Variants in ST3GAL2 observed in about 807,000 individuals in gnomAD.
ST3GAL2 encodes the protein ST3 beta-galactoside alpha-2,3-sialyltransferase 2, also known as CMP-N-acetylneuraminate-beta-galactosamide-alpha-2,3-sialyltransferase 2.
A neutral mutation model predicts 37.5 loss-of-function variants in ST3GAL2; 16 were observed. That is an observed-to-expected ratio of 0.43 (90% CI 0.29 to 0.65). The LOEUF (loss-of-function observed/expected upper bound fraction) is 0.65, where lower values mean the gene tolerates loss of function less well. ST3GAL2 is among the 30% of genes least tolerant of loss of function. The pLI, the probability that ST3GAL2 is intolerant of heterozygous loss-of-function variation, is 0.17. For missense variants in ST3GAL2, 383 were observed against 487.8 expected, an observed-to-expected ratio of 0.79 and a Z score of 2.02; for synonymous variants, 238 against 202.9, an observed-to-expected ratio of 1.17 and a Z score of -1.47.
At position 70,379,009 on chromosome 16, in the gene ST3GAL2, A is replaced by T. The variant is rs895679549; in HGVS notation, c.*2680T>A. On this transcript the variant is annotated 3_prime_UTR_variant, in exon 7 of 7. Transcript: ENST00000342907. ...CAAGACTCTGTCTCAATAAATAAAT[A>T]AATTAAATAAATAAAAATGCGGGTT... 6.6e-6 allele frequency: 1 copy of T among 152,168 alleles called. No homozygotes were observed. The highest frequency in any genetic ancestry group is 2.1e-4 in the South Asian group (1 of 4,830). The allele number at this position is 152,168 out of a possible 1,614,324, so 9.4% of individuals were successfully genotyped here. A position where few individuals can be genotyped will look rare whatever the true frequency, so the allele number is the denominator to read the frequency against.
intron 3 of ST3GAL2, among the ~76,000 whole-genome samples, chr16:70,391,741 G>A (rs1183381822): frequency 3.3e-5 from 5 of 152,204 alleles, no homozygotes; most frequent in African/African-American, 7.2e-5. Context: ...GGGCCTGGGC[G>A]GGGCAGGAGC....
chr16:70,404,601 T>C (rs1428314163), intron 1 of ST3GAL2, among the ~76,000 whole-genome samples: 1 of 152,176 alleles, frequency 6.6e-6, no homozygotes. Context: ...CTATTGGGAA[T>C]GTGAAATGGT....
intron 1 of ST3GAL2, among the ~76,000 whole-genome samples, chr16:70,436,531 T>C (rs1174430098): frequency 6.7e-6 from 1 of 150,338 alleles, no homozygotes; most frequent in Non-Finnish European, 1.5e-5. Context: ...CCCAAACCAG[T>C]GGTTCTCAAA....
At chr16:70,438,688 G>T (rs2047844639) in intron 1 of ST3GAL2, among the ~76,000 whole-genome samples, 1 of 152,150 alleles carries the variant, frequency 6.6e-6, no homozygotes, top group Non-Finnish European at 1.5e-5. Flanking sequence ...GGGGCTGCCG[G>T]CAAAGGAGCG....
At chr16:70,393,913 A>G (rs563578675) in intron 3 of ST3GAL2, among the ~76,000 whole-genome samples, 4 of 152,268 alleles carry the variant, frequency 2.6e-5, no homozygotes, top group African/African-American at 7.2e-5. Flanking sequence ...CTTAACTGCA[A>G]TGCTCATCCT....
chr16:70,409,217 C>T lies in ST3GAL2; in HGVS notation c.-1003-9684G>A, dbSNP rs148157672. 1.5e-3 allele frequency among the ~76,000 whole-genome samples: 226 copies of T among 152,266 alleles called. 2 individuals are homozygous for T. Among genetic ancestry groups the T allele is most frequent in the African/African-American group, 5.1e-3 (213 of 41,558 alleles). On this transcript the variant is annotated intron_variant, in intron 1 of 6. Coordinates refer to ENST00000342907, the MANE Select transcript of ST3GAL2 (RefSeq NM_006927.4). ...CTTTGGGAGACTGAGGCTGGATGAT[C>T]GCTTCAGTCCAGGGGTTGGAGCCTG... is the stretch of plus-strand genomic sequence containing the variant.
Position 70,399,543 on chromosome 16 carries a change from C to T in ST3GAL2, c.-1003-10G>A. 1 of 397,816 alleles carries T rather than the reference C, an allele frequency of 2.5e-6. No individual in the cohort carries two copies. Among genetic ancestry groups the T allele is most frequent in the Non-Finnish European group, 4.4e-6 (1 of 226,090 alleles). 24.6% of individuals were successfully genotyped at this position (397,816 alleles called of 1,614,324 possible). A position where few individuals can be genotyped will look rare whatever the true frequency, so the allele number is the denominator to read the frequency against. ...CTGCCGCAGCACGACCCTAGAATGGCAGAGAGGAGAAATAATGTGCGGATG... is the reference window on the plus strand; with the variant it reads ...CTGCCGCAGCACGACCCTAGAATGGTAGAGAGGAGAAATAATGTGCGGATG... On this transcript the variant is annotated splice_polypyrimidine_tract_variant and intron_variant, in intron 1 of 6. Transcript: ENST00000342907.
At chr16:70,422,782 C>G (rs549852756) in intron 1 of ST3GAL2, among the ~76,000 whole-genome samples, 1 of 152,304 alleles carries the variant, frequency 6.6e-6, no homozygotes, top group African/African-American at 2.4e-5. Context: ...GAACTGAGGT[C>G]TCCTCTTAAG....
Position 70,378,434 on chromosome 16 carries a change from G to GT in ST3GAL2, c.*3254dup. On this transcript the variant is annotated 3_prime_UTR_variant, in exon 7 of 7. Coordinates refer to ENST00000342907, the MANE Select transcript of ST3GAL2 (RefSeq NM_006927.4). ...AAAAAAAAAAAAAAAGCCAGGCGCG[G>GT]TGGCTCACGCCTGTAATCCCAGCAC... The GT allele has an allele frequency of 6.7e-6, 1 of 149,270 alleles. No individual in the cohort carries two copies. The highest frequency in any genetic ancestry group is 2.0e-4 in the East Asian group (1 of 5,042). The allele number at this position is 149,270 out of a possible 1,614,324, so 9.2% of individuals were successfully genotyped here. A position where few individuals can be genotyped will look rare whatever the true frequency, so the allele number is the denominator to read the frequency against.
At chr16:70,386,249 G>T (rs1191290169) in intron 4 of ST3GAL2, among the ~76,000 whole-genome samples, 2 of 150,170 alleles carry the variant, frequency 1.3e-5, no homozygotes, top group Non-Finnish European at 3.0e-5. Context: ...GTGCAGTGGC[G>T]CGATCTCGGC....
chr16:70,403,282 G>T lies in ST3GAL2; in HGVS notation c.-1003-3749C>A, dbSNP rs139104648. 4.2e-3 allele frequency among the ~76,000 whole-genome samples: 634 copies of T among 152,308 alleles called. 4 individuals are homozygous for T. Among genetic ancestry groups the T allele is most frequent in the African/African-American group, 0.014 (602 of 41,556 alleles). ...AGACAGGAATCAGGGAGATATGGAGGCTGTGGCCTGAGCAACCTTGTGGAT... is the reference window on the plus strand; with the variant it reads ...AGACAGGAATCAGGGAGATATGGAGTCTGTGGCCTGAGCAACCTTGTGGAT... On this transcript the variant is annotated intron_variant, in intron 1 of 6. Coordinates refer to ENST00000342907, the MANE Select transcript of ST3GAL2 (RefSeq NM_006927.4).
intron 1 of ST3GAL2, among the ~76,000 whole-genome samples, chr16:70,428,022 CG>C (rs1159515226): frequency 6.6e-6 from 1 of 152,192 alleles, no homozygotes; most frequent in Non-Finnish European, 1.5e-5. Flanking sequence ...GGGGTAAAGG[CG>C]GAACTCCCCA....
In ST3GAL2 at chr16:70,426,181, CTTTTTT is replaced by C. The variant is rs56342720; in HGVS notation, c.-1004+12762_-1004+12767del. ...TGCAATGCATTATGGGGGCCAAAGCCTTTTTTTTTTTTTTTTTTTTTTTTGTTTTTG... is the reference window on the plus strand; with the variant it reads ...TGCAATGCATTATGGGGGCCAAAGCCTTTTTTTTTTTTTTTTTTGTTTTTG... On this transcript the variant is annotated intron_variant, in intron 1 of 6. Coordinates refer to ENST00000342907, the MANE Select transcript of ST3GAL2 (RefSeq NM_006927.4). Among the ~76,000 whole-genome samples the C allele has an allele frequency of 3.3e-4, 33 of 99,508 alleles. 1 individual carries two copies. The highest frequency in any genetic ancestry group is 0.01 in the Middle Eastern group (1 of 100). 65.3% of individuals were successfully genotyped at this position (99,508 alleles called of 152,430 possible). A position where few individuals can be genotyped will look rare whatever the true frequency, so the allele number is the denominator to read the frequency against.
intron 1 of ST3GAL2, among the ~76,000 whole-genome samples, chr16:70,415,210 T>C (rs185279818): frequency 7.2e-5 from 11 of 152,172 alleles, no homozygotes; most frequent in Admixed American, 3.9e-4. Context: ...GCTTTCGCCA[T>C]GTTGGTCAGG....
intron 1 of ST3GAL2, among the ~76,000 whole-genome samples, chr16:70,425,960 C>T (rs996053315): frequency 6.6e-6 from 1 of 152,170 alleles, no homozygotes; most frequent in Non-Finnish European, 1.5e-5. Flanking sequence ...ACTGCATGGC[C>T]TTCTGGGGTG....
chr16:70,388,901 TAA>T (rs869149643), intron 3 of ST3GAL2, among the ~76,000 whole-genome samples: 3 of 126,494 alleles, frequency 2.4e-5, no homozygotes, highest in Non-Finnish European at 1.7e-5. Flanking sequence ...CCATCTTTAC[TAA>T]AAAAAAAAAA....
intron 1 of ST3GAL2, among the ~76,000 whole-genome samples, chr16:70,433,820 T>C (rs780484942): frequency 6.6e-6 from 1 of 152,208 alleles, no homozygotes; most frequent in South Asian, 2.1e-4. Flanking sequence ...TGCAACCAAA[T>C]AGGATTCCTT....
intron 1 of ST3GAL2, among the ~76,000 whole-genome samples, chr16:70,425,793 C>T (rs938163898): frequency 2.0e-5 from 3 of 152,208 alleles, no homozygotes; most frequent in Non-Finnish European, 4.4e-5. Flanking sequence ...AAATCCCTAC[C>T]CTTGATAAAT....
intron 1 of ST3GAL2, among the ~76,000 whole-genome samples, chr16:70,432,052 T>G (rs573574730): frequency 6.6e-6 from 1 of 151,786 alleles, no homozygotes; most frequent in Admixed American, 6.6e-5. Flanking sequence ...CTCAGGAAGC[T>G]GAGGTGGAAG....
Sources: allele counts gnomAD v4.1 joint callset (sites outside exome capture counted in the v4.1 genomes callset), GRCh38; gene constraint gnomAD v4.1.1; transcripts MANE v1.5; gene names NCBI Gene and HGNC (gene_info 2026-07-23, HGNC 2026-07-21).